The following IL1RAPL1 variants were observed in gnomAD, a reference collection of about 807,000 sequenced individuals.
IL1RAPL1 encodes interleukin 1 receptor accessory protein like 1, also known as interleukin-1 receptor accessory protein-like 1.
Under a neutral mutation model 48.4 loss-of-function variants are expected in IL1RAPL1, and 3 were observed. That is an observed-to-expected ratio of 0.06 (90% CI 0.03 to 0.16). IL1RAPL1 has a LOEUF of 0.16. Among genes scored for constraint, IL1RAPL1 ranks in the 10% least tolerant of loss-of-function variants. The pLI is 1.00. For missense variants in IL1RAPL1, 349 were observed against 530.6 expected (o/e 0.66, Z 3.36); for synonymous variants, 185 against 187.7 (o/e 0.99, Z 0.12).
chrX:29,401,040 G>A (rs1933987060), intron 5 of IL1RAPL1, among the ~76,000 whole-genome samples: 1 of 111,171 alleles, frequency 9.0e-6, no homozygotes, highest in Non-Finnish European at 1.9e-5. Context: ...GGCTCTGAAT[G>A]GTAAAACAGC....
chrX:29,241,979 A>G (rs1255843871), intron 2 of IL1RAPL1, among the ~76,000 whole-genome samples: 1 of 111,576 alleles, frequency 9.0e-6, no homozygotes, highest in Non-Finnish European at 1.9e-5. Context: ...CCCAACACCC[A>G]CATTTAACTG....
intron 5 of IL1RAPL1, among the ~76,000 whole-genome samples, chrX:29,470,277 C>G (rs1003477216): frequency 4.5e-5 from 5 of 111,750 alleles, no homozygotes; most frequent in Admixed American, 9.6e-5. Flanking sequence ...TTTTATTGGC[C>G]AGATTCCATA....
chrX:28,853,295 A>G (rs1921713113), intron 2 of IL1RAPL1, among the ~76,000 whole-genome samples: 1 of 111,845 alleles, frequency 8.9e-6, no homozygotes, highest in African/African-American at 3.2e-5. Flanking sequence ...TGTAGGTATC[A>G]TTGGTGTCGA....
At chrX:29,646,744 A>C (rs1241460520) in intron 5 of IL1RAPL1, among the ~76,000 whole-genome samples, 1 of 111,153 alleles carries the variant, frequency 9.0e-6, no homozygotes, top group Admixed American at 9.6e-5. Context: ...GAGTTTCAGT[A>C]CACTTAGCAG....
At chrX:29,664,516 A>C (rs1349376679) in intron 5 of IL1RAPL1, among the ~76,000 whole-genome samples, 1 of 111,720 alleles carries the variant, frequency 9.0e-6, no homozygotes, top group Non-Finnish European at 1.9e-5. Context: ...TCCAAAATGT[A>C]TCGAATATTC....
intron 2 of IL1RAPL1, among the ~76,000 whole-genome samples, chrX:28,853,495 A>ACG (rs1921724984): frequency 1.1e-5 from 1 of 93,336 alleles, no homozygotes; most frequent in African/African-American, 3.8e-5. Flanking sequence ...GTGCGCGCGC[A>ACG]CACACACACA....
intron 1 of IL1RAPL1, among the ~76,000 whole-genome samples, chrX:28,692,981 A>G (rs766735857): frequency 4.5e-5 from 5 of 112,254 alleles, no homozygotes; most frequent in South Asian, 7.4e-4. Flanking sequence ...GGTAATGGAT[A>G]GGTCCATATA....
intron 6 of IL1RAPL1, among the ~76,000 whole-genome samples, chrX:29,781,024 A>G (rs1450802018): frequency 4.5e-5 from 5 of 111,145 alleles, no homozygotes; most frequent in Admixed American, 9.6e-5. Flanking sequence ...ACTCATAACA[A>G]TGCTTGGTGA....
intron 6 of IL1RAPL1, among the ~76,000 whole-genome samples, chrX:29,692,359 A>G (rs867769959): frequency 9.0e-6 from 1 of 111,592 alleles, no homozygotes; most frequent in East Asian, 2.8e-4. Context: ...TCATTCTCCC[A>G]TGTAGTAATT....
intron 1 of IL1RAPL1, among the ~76,000 whole-genome samples, chrX:28,632,073 G>T (rs929067509): frequency 1.8e-5 from 2 of 112,409 alleles, no homozygotes; most frequent in African/African-American, 6.4e-5. Context: ...ATTAGCAAAT[G>T]TATTAATTTA....
chrX:28,715,484 G>T (rs1935493580), intron 1 of IL1RAPL1, among the ~76,000 whole-genome samples: 1 of 110,895 alleles, frequency 9.0e-6, no homozygotes. Flanking sequence ...ACAACTAAAA[G>T]AACTAGAGAA....
At chrX:29,529,293 C>G (rs1049070632) in intron 5 of IL1RAPL1, among the ~76,000 whole-genome samples, 2 of 110,781 alleles carry the variant, frequency 1.8e-5, no homozygotes, top group Non-Finnish European at 3.8e-5. Flanking sequence ...AGAATATGAA[C>G]TACAGTTGAA....
intron 2 of IL1RAPL1, among the ~76,000 whole-genome samples, chrX:29,108,965 T>C (rs1049061354): frequency 9.0e-6 from 1 of 111,401 alleles, no homozygotes; most frequent in African/African-American, 3.3e-5. Context: ...ATCTTTTTTT[T>C]TCATTCTTAG....
At chrX:29,797,733 C>T (rs745610888) in intron 6 of IL1RAPL1, among the ~76,000 whole-genome samples, 6 of 110,426 alleles carry the variant, frequency 5.4e-5, no homozygotes, top group Non-Finnish European at 7.6e-5. Context: ...ATTAGCCAGT[C>T]GCGGTGGCAC....
intron 2 of IL1RAPL1, among the ~76,000 whole-genome samples, chrX:28,865,597 A>G (rs973868247): frequency 8.9e-6 from 1 of 112,111 alleles, no homozygotes. Flanking sequence ...AGGACTCGGT[A>G]TGTAAATGGT....
intron 4 of IL1RAPL1, among the ~76,000 whole-genome samples, chrX:29,398,273 G>A (rs757573374): frequency 8.1e-4 from 91 of 111,836 alleles, no homozygotes; most frequent in Middle Eastern, 4.2e-3. Flanking sequence ...TTACACAAAG[G>A]CATTGAGCCA....
At chrX:29,248,715 A>G (rs1340230912) in intron 2 of IL1RAPL1, among the ~76,000 whole-genome samples, 1 of 112,469 alleles carries the variant, frequency 8.9e-6, no homozygotes, top group African/African-American at 3.2e-5. Flanking sequence ...TGGGAGTTTA[A>G]TTGTTACAGC....
At chrX:29,143,520 G>A (rs1929286815) in intron 2 of IL1RAPL1, among the ~76,000 whole-genome samples, 1 of 111,492 alleles carries the variant, frequency 9.0e-6, no homozygotes, top group African/African-American at 3.3e-5. Flanking sequence ...ATGAAATCTC[G>A]TGCAGTCTCC....
intron 2 of IL1RAPL1, among the ~76,000 whole-genome samples, chrX:29,241,837 AT>A (rs762625929): frequency 4.5e-5 from 5 of 111,098 alleles, no homozygotes; most frequent in African/African-American, 9.8e-5. Context: ...TCTATATAAC[AT>A]TTTTTTTCCC....
Sources: gnomAD v4.1 joint callset for allele counts (sites outside exome capture counted in the v4.1 genomes callset) on GRCh38, gnomAD v4.1.1 for gene constraint, MANE v1.5 for transcripts, NCBI Gene and HGNC (gene_info 2026-07-23, HGNC 2026-07-21) for gene names.